RIMS2: variants seen among roughly 807,000 people sequenced by gnomAD.
RIMS2 encodes regulating synaptic membrane exocytosis protein 2.
A neutral mutation model predicts 174.4 loss-of-function variants in RIMS2; 59 were observed. The ratio of observed to expected loss-of-function variants is 0.34; its 90% CI spans 0.27 to 0.42. The LOEUF (loss-of-function observed/expected upper bound fraction) is 0.42, where lower values mean the gene tolerates loss of function less well. Among genes scored for constraint, RIMS2 ranks in the 10% least tolerant of loss-of-function variants. RIMS2 has a pLI of 1.00. For synonymous variants in RIMS2, 606 were observed against 572.5 expected (o/e 1.06, Z -0.84); for missense variants, 1,620 against 1,666.3 (o/e 0.97, Z 0.48).
intron 1 of RIMS2, among the ~76,000 whole-genome samples, chr8:103,572,929 G>A (rs1426295222): frequency 3.3e-5 from 5 of 152,020 alleles, no homozygotes; most frequent in Non-Finnish European, 7.4e-5. Flanking sequence ...GTCAATTTTT[G>A]TCTATGTTTC....
chr8:104,249,424 G>T, intron 21 of RIMS2, 63 bp from the exon 28 acceptor site: 1 of 808,368 alleles, frequency 1.2e-6, no homozygotes, highest in South Asian at 1.6e-5. Flanking sequence ...CAAGGTCTTT[G>T]ACTCTATTTT....
intron 3 of RIMS2, chr8:103,768,211 A>G (rs902054639): frequency 2.0e-5 from 8 of 404,626 alleles, no homozygotes; most frequent in African/African-American, 1.6e-4. Context: ...AAATGAGTGA[A>G]TGAATGACTA....
chr8:103,864,890 A>T (rs2099077167), intron 3 of RIMS2, among the ~76,000 whole-genome samples: 2 of 152,112 alleles, frequency 1.3e-5, no homozygotes, highest in South Asian at 4.1e-4. Context: ...TATTTTGGAA[A>T]AGCAAAATAA....
intron 2 of RIMS2, among the ~76,000 whole-genome samples, chr8:103,732,016 A>T (rs894727984): frequency 5.9e-5 from 9 of 152,158 alleles, no homozygotes; most frequent in African/African-American, 1.7e-4. Flanking sequence ...CTGGGCATTG[A>T]AGAGTTAGGT....
intron 3 of RIMS2, among the ~76,000 whole-genome samples, chr8:103,854,219 A>C (rs770121159): frequency 2.6e-5 from 4 of 151,972 alleles, no homozygotes; most frequent in Admixed American, 6.6e-5. Context: ...CTAATTTTTT[A>C]CATTGATTTT....
chr8:103,636,788 ACCCC>A (rs768545308), intron 1 of RIMS2, among the ~76,000 whole-genome samples: 5 of 43,594 alleles, frequency 1.1e-4, no homozygotes, highest in African/African-American at 5.8e-4. Context: ...CCACCCCCGC[ACCCC>A]CCCCCCCCCA....
At chr8:103,784,855 T>A (rs2098426092) in intron 3 of RIMS2, among the ~76,000 whole-genome samples, 1 of 123,114 alleles carries the variant, frequency 8.1e-6, no homozygotes, top group Admixed American at 8.4e-5. Flanking sequence ...TAAATTACCT[T>A]GGGCAGTATG....
At chr8:103,808,662 T>C (rs2098666535) in intron 3 of RIMS2, among the ~76,000 whole-genome samples, 1 of 152,182 alleles carries the variant, frequency 6.6e-6, no homozygotes, top group Non-Finnish European at 1.5e-5. Flanking sequence ...GACTGTCTAC[T>C]TGGTACTTAA....
At chr8:104,126,291 TG>T (rs1205422573) in intron 19 of RIMS2, among the ~76,000 whole-genome samples, 1 of 152,234 alleles carries the variant, frequency 6.6e-6, no homozygotes, top group Non-Finnish European at 1.5e-5. Context: ...GTTTTTTTAC[TG>T]GGTTCTCTTA....
intron 1 of RIMS2, among the ~76,000 whole-genome samples, chr8:103,604,043 T>A (rs917373615): frequency 4.0e-5 from 6 of 150,264 alleles, no homozygotes; most frequent in African/African-American, 7.4e-5. Context: ...TTGCCATTGC[T>A]TTTGGTGTTT....
rs146434738 is a variant in RIMS2 at position 104,186,138 on chromosome 8, GAAAGGC to G, written c.3335-58774_3335-58769del. 4.6e-5 allele frequency among the ~76,000 whole-genome samples: 7 copies of G among 151,854 alleles called. 1 individual carries two copies. In the East Asian group the frequency reaches 1.4e-3, roughly 29 times the overall value. On this transcript the variant is annotated intron_variant, in intron 19 of 23. Transcript: ENST00000504942. ...TCTTAAGTGAAAAAAGTCAGATGCA[GAAAGGC>G]AAATACCACATGTTCTCAGTTATAA...
exon 4 of RIMS2, chr8:103,886,077 C>G: frequency 6.2e-7 from 1 of 1,613,036 alleles, no homozygotes; most frequent in Non-Finnish European, 8.5e-7. Context: ...TCAGTGAGAC[C>G]TCCACCACCA....
chr8:103,574,187 G>A (rs567225289), intron 1 of RIMS2, among the ~76,000 whole-genome samples: 26 of 152,038 alleles, frequency 1.7e-4, no homozygotes, highest in African/African-American at 5.5e-4. Flanking sequence ...CGACCTAAGA[G>A]ATATCACTTA....
intron 3 of RIMS2, among the ~76,000 whole-genome samples, chr8:103,808,704 A>G (rs898837401): frequency 2.0e-5 from 3 of 152,154 alleles, no homozygotes; most frequent in Admixed American, 6.6e-5. Context: ...TTTTACACCT[A>G]TCTTGACTGT....
chr8:103,589,920 T>C (rs2133252693), intron 1 of RIMS2, among the ~76,000 whole-genome samples: 1 of 151,348 alleles, frequency 6.6e-6, no homozygotes, highest in East Asian at 1.9e-4. Flanking sequence ...AGAAGGATGA[T>C]TACCAGATGT....
At chr8:103,957,970 C>T (rs1423155688) in intron 14 of RIMS2, among the ~76,000 whole-genome samples, 1 of 152,048 alleles carries the variant, frequency 6.6e-6, no homozygotes, top group Non-Finnish European at 1.5e-5. Flanking sequence ...TAAATTAGTT[C>T]AACTGTTGTG....
At chr8:103,559,642 T>G (rs943827766) in intron 1 of RIMS2, among the ~76,000 whole-genome samples, 3 of 152,210 alleles carry the variant, frequency 2.0e-5, no homozygotes, top group African/African-American at 7.2e-5. Context: ...TCATTATAAG[T>G]TAAAACTAGT....
At chr8:103,653,883 T>A (rs2135906222) in intron 1 of RIMS2, among the ~76,000 whole-genome samples, 1 of 152,228 alleles carries the variant, frequency 6.6e-6, no homozygotes, top group Non-Finnish European at 1.5e-5. Context: ...ACTGTTTTAT[T>A]CTTGGCATTT....
At chr8:104,010,702 A>G (rs1264850682) in intron 17 of RIMS2, among the ~76,000 whole-genome samples, 1 of 152,158 alleles carries the variant, frequency 6.6e-6, no homozygotes. Context: ...ACAGTGATAG[A>G]TATTAAATCA....
Sources: gnomAD v4.1 joint callset for allele counts (sites outside exome capture counted in the v4.1 genomes callset) on GRCh38, gnomAD v4.1.1 for gene constraint, MANE v1.5 for transcripts, NCBI Gene and HGNC (gene_info 2026-07-23, HGNC 2026-07-21) for gene names.